UGGT2: variants seen among roughly 807,000 people sequenced by gnomAD.
The protein encoded by UGGT2 is UDP-glucose:glycoprotein glucosyltransferase 2.
UGGT2 carries 180 observed loss-of-function variants against 192.1 expected under a neutral mutation model. The observed-to-expected ratio is 0.94, with a 90% CI of 0.83 to 1.06. The LOEUF (loss-of-function observed/expected upper bound fraction) is 1.06. Among genes scored for constraint, UGGT2 ranks in the 50% least tolerant of loss-of-function variants. The pLI is 0.00. For synonymous variants in UGGT2, 580 were observed against 591.0 expected, an observed-to-expected ratio of 0.98 and a Z score of 0.27; for missense variants, 1,849 against 1,795.7, an observed-to-expected ratio of 1.03 and a Z score of -0.54.
chr13:95,826,825 A>G (rs1209564321), intron 38 of UGGT2, among the ~76,000 whole-genome samples: 8 of 152,094 alleles, frequency 5.3e-5, no homozygotes, highest in African/African-American at 1.9e-4. Flanking sequence ...AAAACACAGA[A>G]AATTTTCTGA....
chr13:96,023,216 T>C, intron 3 of UGGT2, 64 bp from the exon 4 acceptor site: 2 of 1,352,588 alleles, frequency 1.5e-6, no homozygotes, highest in Non-Finnish European at 1.0e-6. Context: ...TTTAAAACCC[T>C]CACACATTAC....
intron 14 of UGGT2, 57 bp from the exon 15 acceptor site, chr13:95,947,229 C>T (rs1226690726): frequency 2.1e-6 from 3 of 1,454,990 alleles, no homozygotes; most frequent in Non-Finnish European, 1.8e-6. Flanking sequence ...CACAATAAAC[C>T]ATTATTTAGA....
chr13:95,950,213 G>T (rs921013594), intron 12 of UGGT2, among the ~76,000 whole-genome samples: 2 of 152,122 alleles, frequency 1.3e-5, no homozygotes, highest in African/African-American at 2.4e-5. Context: ...CAAGTCATTT[G>T]CTGACTCCTA....
At chr13:96,013,573 A>G in intron 4 of UGGT2, 92 bp from the exon 5 acceptor site, 1 of 796,192 alleles carries the variant, frequency 1.3e-6, no homozygotes. Flanking sequence ...ACAATTCATA[A>G]TATACATAAT....
chr13:95,829,817 G>C (rs542991777), intron 38 of UGGT2, among the ~76,000 whole-genome samples: 5 of 152,270 alleles, frequency 3.3e-5, no homozygotes, highest in African/African-American at 1.2e-4. Context: ...AGCCTGCATT[G>C]CCAAGACAAT....
chr13:95,926,032 A>T (rs2140431699), intron 19 of UGGT2, among the ~76,000 whole-genome samples: 1 of 152,224 alleles, frequency 6.6e-6, no homozygotes. Flanking sequence ...TCCGGTTAGA[A>T]GAGTAACTCA....
chr13:95,948,116 A>C (rs1222757723), intron 13 of UGGT2, 35 bp from the exon 14 acceptor site: 12 of 1,520,718 alleles, frequency 7.9e-6, no homozygotes, highest in Admixed American at 1.8e-5. Flanking sequence ...CTATTTCAAC[A>C]CCTTAGAATC....
chr13:95,998,065 G>C (rs1237963340), intron 6 of UGGT2, among the ~76,000 whole-genome samples: 1 of 152,092 alleles, frequency 6.6e-6, no homozygotes, highest in Non-Finnish European at 1.5e-5. Context: ...GTGAGATTAA[G>C]GGCACTGAAG....
At chr13:95,954,634 C>G (rs896390810) in intron 12 of UGGT2, among the ~76,000 whole-genome samples, 3 of 152,206 alleles carry the variant, frequency 2.0e-5, no homozygotes, top group Non-Finnish European at 4.4e-5. Context: ...ACTAGAAAAT[C>G]TTTGAATCTG....
At chr13:95,831,115 C>T (rs1318122958) in intron 38 of UGGT2, among the ~76,000 whole-genome samples, 1 of 140,976 alleles carries the variant, frequency 7.1e-6, no homozygotes, top group Non-Finnish European at 1.5e-5. Context: ...ACACCATACA[C>T]TGGGGCTTGT....
intron 12 of UGGT2, among the ~76,000 whole-genome samples, chr13:95,950,731 GAATC>G (rs1263384381): frequency 4.0e-5 from 6 of 151,440 alleles, no homozygotes; most frequent in African/African-American, 1.5e-4. Flanking sequence ...TGTTTAAAAA[GAATC>G]AAAGAGATAT....
intron 10 of UGGT2, among the ~76,000 whole-genome samples, chr13:95,978,686 T>C (rs537194150): frequency 6.6e-6 from 1 of 152,328 alleles, no homozygotes; most frequent in Non-Finnish European, 1.5e-5. Flanking sequence ...TTAACCCCTA[T>C]TGATTTGATT....
chr13:95,822,901 A>G (rs999112715), intron 38 of UGGT2, among the ~76,000 whole-genome samples: 7 of 151,800 alleles, frequency 4.6e-5, no homozygotes, highest in Non-Finnish European at 1.0e-4. Context: ...GTGCTCTTTC[A>G]GACTTTCTGA....
chr13:96,007,260 T>C (rs2052010181), intron 5 of UGGT2, among the ~76,000 whole-genome samples: 1 of 151,886 alleles, frequency 6.6e-6, no homozygotes, highest in Admixed American at 6.6e-5. Context: ...TTCTGACAAG[T>C]CCCTCCCCCC....
chr13:95,833,931 C>T (rs59577050), intron 37 of UGGT2, among the ~76,000 whole-genome samples: 2,970 of 152,250 alleles, frequency 0.02, 90 homozygotes, highest in African/African-American at 0.068. Flanking sequence ...TCTCCACTTG[C>T]TTTCCTCTTA....
chr13:96,043,423 A>G (rs1159627587), intron 1 of UGGT2, among the ~76,000 whole-genome samples: 1 of 152,206 alleles, frequency 6.6e-6, no homozygotes. Flanking sequence ...TCTTTAAAAC[A>G]TAAATCTCGC....
At chr13:95,833,108 G>T in intron 37 of UGGT2, 55 bp from the exon 38 acceptor site, 1 of 1,584,852 alleles carries the variant, frequency 6.3e-7, no homozygotes, top group Non-Finnish European at 8.6e-7. Context: ...GAAACATAAG[G>T]ACAATGCTGT....
intron 9 of UGGT2, 137 bp from the exon 10 acceptor site, chr13:95,984,001 A>T: frequency 2.0e-6 from 1 of 503,650 alleles, no homozygotes; most frequent in South Asian, 5.8e-5. Context: ...ATACATTTCC[A>T]TATGGCCTAA....
chr13:95,881,123 A>C (rs2047481299), intron 27 of UGGT2, among the ~76,000 whole-genome samples: 1 of 152,156 alleles, frequency 6.6e-6, no homozygotes, highest in Admixed American at 6.5e-5. Flanking sequence ...GCAGTGAGCC[A>C]GAGCTGGCAA....
Sources: allele counts gnomAD v4.1 joint callset (sites outside exome capture counted in the v4.1 genomes callset), GRCh38; gene constraint gnomAD v4.1.1; transcripts MANE v1.5; gene names NCBI Gene and HGNC (gene_info 2026-07-23, HGNC 2026-07-21).